The following OPN3 variants were observed in gnomAD, a reference collection of about 807,000 sequenced individuals.
OPN3 encodes opsin-3.
Under a neutral mutation model 33.8 loss-of-function variants are expected in OPN3, and 29 were observed. The observed-to-expected ratio is 0.86, with a 90% CI of 0.64 to 1.17. The LOEUF is 1.17. Ranked by LOEUF, OPN3 falls within the 50% of genes most tolerant of loss-of-function variation. The pLI, the probability that OPN3 is intolerant of heterozygous loss-of-function variation, is 0.00. For synonymous variants in OPN3, 216 were observed against 216.1 expected (o/e 1.00, Z 0.00); for missense variants, 437 against 514.1 (o/e 0.85, Z 1.45).
intron 1 of OPN3, chr1:241,628,727 T>C (rs1178010020): frequency 6.6e-6 from 1 of 152,194 alleles, no homozygotes. Flanking sequence ...CCACCAAGAT[T>C]TGTAAAACTT....
At chr1:241,600,799 T>G (rs1003101683) in intron 2 of OPN3, 1 of 152,054 alleles carries the variant, frequency 6.6e-6, no homozygotes, top group Non-Finnish European at 1.5e-5. Context: ...AAATAGTCAC[T>G]GATTACCTAC....
At chr1:241,603,483 T>C (rs1414862762) in intron 2 of OPN3, among the ~76,000 whole-genome samples, 4 of 151,860 alleles carry the variant, frequency 2.6e-5, no homozygotes, top group African/African-American at 9.7e-5. Context: ...TTTTTTTTTT[T>C]CCAGCTCCTC....
rs751749041 is a variant in OPN3, at chr1:241,594,480, C to T, written c.1157G>A (p.Ser386Asn). 6.2e-7 allele frequency: 1 copy of T among 1,614,000 alleles called. No individual in the cohort carries two copies. The highest frequency in any genetic ancestry group is 1.7e-5 in the Admixed American group (1 of 59,992). ...AACTTTGGACCCATTGGTTTTGTCG[C>T]TGTCGTCAACTGACAGTGATTCATC... ...TSDESLSVDDSDKTNGSKVDV... is the reference protein window; with the variant it reads ...TSDESLSVDDNDKTNGSKVDV... Residue 386 changes from serine to asparagine, a missense_variant, in exon 4 of 4, where the codon AGC (serine) becomes AAC (asparagine). Physicochemically the swap from Ser to Asn is conservative, Grantham distance 46 (BLOSUM62 1). Coordinates refer to ENST00000366554, the MANE Select transcript of OPN3 (RefSeq NM_014322.3).
intron 1 of OPN3, among the ~76,000 whole-genome samples, chr1:241,606,315 G>A (rs773105435): frequency 4.6e-5 from 7 of 152,188 alleles, no homozygotes; most frequent in South Asian, 2.1e-4. Context: ...AGGCCGAGGC[G>A]GGTGGATCAC....
chr1:241,631,169 A>G (rs1247833978), intron 1 of OPN3: 1 of 152,134 alleles, frequency 6.6e-6, no homozygotes, highest in Admixed American at 6.5e-5. Flanking sequence ...AATGCTTTTT[A>G]TTGGTATAAC....
chr1:241,609,285 T>C (rs1663921913), intron 1 of OPN3, among the ~76,000 whole-genome samples: 2 of 152,186 alleles, frequency 1.3e-5, no homozygotes. Context: ...TGCACTCTTT[T>C]GGAAAGAAGG....
At chr1:241,639,769 G>C in intron 1 of OPN3, 113 bp downstream of exon 1, 1 of 1,105,062 alleles carries the variant, frequency 9.0e-7, no homozygotes, top group Non-Finnish European at 1.2e-6. Context: ...GGGGGCGCGG[G>C]GCCGAGCGGG....
intron 1 of OPN3, among the ~76,000 whole-genome samples, chr1:241,619,523 C>G (rs1219274720): frequency 6.6e-6 from 1 of 152,150 alleles, no homozygotes; most frequent in Non-Finnish European, 1.5e-5. Context: ...TATAATAATG[C>G]CATATTTTAT....
intron 1 of OPN3, among the ~76,000 whole-genome samples, chr1:241,606,185 G>A (rs1047987382): frequency 4.6e-5 from 7 of 152,178 alleles, no homozygotes; most frequent in Non-Finnish European, 8.8e-5. Flanking sequence ...TTAGCAACTG[G>A]TATCAACAGA....
chr1:241,624,710 C>G (rs1664366187), intron 1 of OPN3, among the ~76,000 whole-genome samples: 1 of 152,174 alleles, frequency 6.6e-6, no homozygotes, highest in Non-Finnish European at 1.5e-5. Context: ...GTGAAGAAAT[C>G]AGAACAGTTC....
chr1:241,601,108 G>T (rs1165591288), intron 2 of OPN3: 1 of 152,102 alleles, frequency 6.6e-6, no homozygotes, highest in Non-Finnish European at 1.5e-5. Flanking sequence ...TAAAAAGTCA[G>T]TTTCTGAAAA....
chr1:241,602,674 A>C (rs776920239), intron 2 of OPN3, among the ~76,000 whole-genome samples: 15 of 152,060 alleles, frequency 9.9e-5, no homozygotes, highest in Non-Finnish European at 1.5e-4. Context: ...AGAGAGAGAA[A>C]GAGCAAGCTT....
chr1:241,635,401 A>C, intron 1 of OPN3: 1 of 1,613,994 alleles, frequency 6.2e-7, no homozygotes, highest in Non-Finnish European at 8.5e-7. Flanking sequence ...CCAAAGAAGG[A>C]TTTTTCTGCA....
intron 1 of OPN3, chr1:241,633,733 T>C (rs1664741669): frequency 1.3e-6 from 2 of 1,571,942 alleles, no homozygotes; most frequent in Non-Finnish European, 1.7e-6. Context: ...AAACTGTCCT[T>C]TAAATGAGAA....
intron 1 of OPN3, among the ~76,000 whole-genome samples, chr1:241,627,808 A>G (rs1289734995): frequency 1.3e-5 from 2 of 152,208 alleles, no homozygotes; most frequent in African/African-American, 4.8e-5. Context: ...GGAAGCAGCC[A>G]CCTTTACGCA....
Position 241,604,354 on chromosome 1 carries a change from G to A in OPN3, c.599C>T (p.Ser200Phe), listed in dbSNP as rs1663762901. The change falls in exon 2 of 4, where the codon TCC (serine) becomes TTC (phenylalanine). Residue 200 changes from serine to phenylalanine, a missense_variant. Ser to Phe is a radical substitution (Grantham distance 155). Transcript: ENST00000366554. ...AAGAAATAAGAAAAGCACAAAGGAG[G>A]AATCGTTGGCATCCTTGGATTTCCA... ...VDWKSKDANDSSFVLFLFLGC... is the reference protein window; with the variant it reads ...VDWKSKDANDFSFVLFLFLGC... 6.2e-7 allele frequency: 1 copy of A among 1,614,162 alleles called. No individual in the cohort carries two copies. Among genetic ancestry groups the A allele is most frequent in the Non-Finnish European group, 8.5e-7 (1 of 1,180,032 alleles).
Position 241,633,781 on chromosome 1 carries a change from C to T in OPN3, c.373+6101G>A, listed in dbSNP as rs76973247. On this transcript the variant is annotated intron_variant, in intron 1 of 3. Transcript: ENST00000366554. Reference sequence around the variant, plus strand: ...ATGAAGGAGGTCCAAAACAGCATTTCGAGATTGCTCTTTTCTAATTTTGAA... The same window carrying T: ...ATGAAGGAGGTCCAAAACAGCATTTTGAGATTGCTCTTTTCTAATTTTGAA... 2.0e-4 allele frequency: 325 copies of T among 1,611,962 alleles called. No homozygotes were observed. In the African/African-American group the frequency reaches 3.9e-3, roughly 20 times the overall value.
Position 241,593,436 on chromosome 1 carries a change from TA to T in OPN3, c.*991del. On this transcript the variant is annotated 3_prime_UTR_variant, in exon 4 of 4. Transcript: ENST00000366554. ...TGAAACACTAGAGTCATATAAGAAA[TA>T]AAAATTGGGCAATAAAATAAAATGA... The T allele has an allele frequency of 2.7e-6, 1 of 367,990 alleles. No homozygotes were observed. The highest frequency in any genetic ancestry group is 2.1e-5 in the South Asian group (1 of 48,326). The allele number at this position is 367,990 out of a possible 1,614,324, so 22.8% of individuals were successfully genotyped here.
intron 1 of OPN3, among the ~76,000 whole-genome samples, chr1:241,626,285 A>C (rs1558444396): frequency 6.6e-6 from 1 of 152,182 alleles, no homozygotes; most frequent in Non-Finnish European, 1.5e-5. Flanking sequence ...CTGGTCTTTC[A>C]ATTAGCAAAT....
Sources: allele counts gnomAD v4.1 joint callset (sites outside exome capture counted in the v4.1 genomes callset), GRCh38; gene constraint gnomAD v4.1.1; transcripts MANE v1.5; gene names NCBI Gene and HGNC (gene_info 2026-07-23, HGNC 2026-07-21).